The following SGCZ variants were observed in gnomAD, a reference collection of about 807,000 sequenced individuals.
SGCZ encodes zeta-sarcoglycan.
SGCZ carries 40 observed loss-of-function variants against 41.3 expected under a neutral mutation model. The ratio of observed to expected loss-of-function variants is 0.97; its 90% CI spans 0.75 to 1.26. SGCZ has a LOEUF of 1.26. Ranked by LOEUF, SGCZ falls within the 50% of genes most tolerant of loss-of-function variation. The probability of loss-of-function intolerance (pLI) is 0.00; values close to 1 mark genes in which losing one functional copy is unlikely to be tolerated. For synonymous variants in SGCZ, 206 were observed against 137.5 expected (o/e 1.50, Z -3.49); for missense variants, 552 against 369.8 (o/e 1.49, Z -4.04).
At chr8:14,267,609 T>G (rs1039800942) in intron 3 of SGCZ, among the ~76,000 whole-genome samples, 2 of 152,082 alleles carry the variant, frequency 1.3e-5, no homozygotes, top group African/African-American at 2.4e-5. Flanking sequence ...GCTACGATAT[T>G]TTTGTTGTCA....
At chr8:15,154,120 T>A (rs1799258302) in intron 1 of SGCZ, among the ~76,000 whole-genome samples, 1 of 152,160 alleles carries the variant, frequency 6.6e-6, no homozygotes, top group African/African-American at 2.4e-5. Context: ...GTGGCCCGGT[T>A]CCTAACAGGC....
chr8:14,733,188 C>G (rs1405664952), intron 1 of SGCZ, among the ~76,000 whole-genome samples: 4 of 152,110 alleles, frequency 2.6e-5, no homozygotes, highest in Non-Finnish European at 5.9e-5. Context: ...TCCCTAACTG[C>G]CCCAGGGCCA....
intron 1 of SGCZ, among the ~76,000 whole-genome samples, chr8:14,705,156 C>A (rs1290981923): frequency 6.6e-6 from 1 of 151,872 alleles, no homozygotes; most frequent in Non-Finnish European, 1.5e-5. Flanking sequence ...AGACCTTATG[C>A]ACCTCATAAC....
intron 1 of SGCZ, among the ~76,000 whole-genome samples, chr8:14,966,994 C>T (rs1801145710): frequency 6.6e-6 from 1 of 152,056 alleles, no homozygotes; most frequent in Non-Finnish European, 1.5e-5. Context: ...TTATTCATTC[C>T]TTGTACAATT....
intron 1 of SGCZ, among the ~76,000 whole-genome samples, chr8:15,004,953 G>GT: frequency 6.6e-6 from 1 of 152,150 alleles, no homozygotes; most frequent in East Asian, 1.9e-4. Flanking sequence ...ATCTGAGGTG[G>GT]TATCTATGCA....
chr8:14,257,533 G>A (rs1231101165), intron 3 of SGCZ, among the ~76,000 whole-genome samples: 4 of 151,240 alleles, frequency 2.6e-5, no homozygotes, highest in African/African-American at 2.4e-5. Context: ...TGCACAACAC[G>A]CAGGTTTGTT....
At chr8:14,527,539 C>A (rs1802990662) in intron 2 of SGCZ, among the ~76,000 whole-genome samples, 1 of 149,026 alleles carries the variant, frequency 6.7e-6, no homozygotes, top group Non-Finnish European at 1.5e-5. Flanking sequence ...TTAAAATATT[C>A]ACCTTTTTTT....
intron 7 of SGCZ, among the ~76,000 whole-genome samples, chr8:14,101,107 C>T (rs958298678): frequency 1.3e-5 from 2 of 151,642 alleles, no homozygotes; most frequent in Non-Finnish European, 2.9e-5. Flanking sequence ...AAAGCATCTG[C>T]CAAGATGTCC....
chr8:14,500,237 GATGTA>G (rs1802110914), intron 2 of SGCZ, among the ~76,000 whole-genome samples: 1 of 152,006 alleles, frequency 6.6e-6, no homozygotes, highest in African/African-American at 2.4e-5. Flanking sequence ...TCTAAAATCA[GATGTA>G]ATGTAGTTTG....
intron 1 of SGCZ, among the ~76,000 whole-genome samples, chr8:14,900,180 T>C (rs1347349889): frequency 6.6e-6 from 1 of 152,178 alleles, no homozygotes; most frequent in Non-Finnish European, 1.5e-5. Context: ...GGCGGTTTGC[T>C]ACACAGGCTG....
intron 1 of SGCZ, among the ~76,000 whole-genome samples, chr8:14,799,937 T>C (rs1325542553): frequency 6.6e-6 from 1 of 152,174 alleles, no homozygotes; most frequent in Non-Finnish European, 1.5e-5. Context: ...TTGATAAGTA[T>C]TATAAACAGA....
At chr8:14,700,284 C>A (rs772478487) in intron 1 of SGCZ, among the ~76,000 whole-genome samples, 23 of 151,916 alleles carry the variant, frequency 1.5e-4, no homozygotes, top group Non-Finnish European at 2.8e-4. Context: ...CATAGAAAAA[C>A]ATGAAATCAT....
chr8:15,132,860 G>T (rs1807962925), intron 1 of SGCZ, among the ~76,000 whole-genome samples: 1 of 152,138 alleles, frequency 6.6e-6, no homozygotes, highest in Non-Finnish European at 1.5e-5. Context: ...AAAAGAAGTG[G>T]CCAGGCACAG....
At chr8:14,646,044 T>A (rs1807203441) in intron 1 of SGCZ, among the ~76,000 whole-genome samples, 1 of 151,892 alleles carries the variant, frequency 6.6e-6, no homozygotes, top group Non-Finnish European at 1.5e-5. Context: ...GTTTCCTTTT[T>A]TATTTTTATT....
intron 1 of SGCZ, among the ~76,000 whole-genome samples, chr8:14,684,118 A>G (rs1196998214): frequency 6.6e-6 from 1 of 152,170 alleles, no homozygotes; most frequent in Non-Finnish European, 1.5e-5. Context: ...CAGTGATTAC[A>G]TCAATTAAAT....
At chr8:14,680,118 CATGACTAT>C (rs2117537154) in intron 1 of SGCZ, among the ~76,000 whole-genome samples, 2 of 152,116 alleles carry the variant, frequency 1.3e-5, no homozygotes, top group South Asian at 4.1e-4. Context: ...TGAAGTCATG[CATGACTAT>C]ATGTGATATT....
Position 14,102,377 on chromosome 8 carries a change from T to G in SGCZ, c.743A>C (p.Glu248Ala), listed in dbSNP as rs1294946762. ...KELHLQSTEG[E>A]IFLNAETIKL... ...AGGGTCCAACTTTCTGGGACTCACC[T>G]CCCCTTCTGTAGATTGCAGATGGAG... The change falls in exon 7 of 8, where the codon GAG becomes GCG. Residue 248 changes from glutamate to alanine, a missense_variant and splice_region_variant. Physicochemically the swap from Glu to Ala is moderately radical, Grantham distance 107. Coordinates refer to ENST00000382080, the MANE Select transcript of SGCZ (RefSeq NM_139167.4). 1.3e-6 allele frequency: 2 copies of G among 1,483,802 alleles called. No homozygotes were observed. Among genetic ancestry groups the G allele is most frequent in the East Asian group, 2.5e-5 (1 of 40,476 alleles). The allele number at this position is 1,483,802 out of a possible 1,614,324, so 91.9% of individuals were successfully genotyped here. A position where few individuals can be genotyped will look rare whatever the true frequency, so the allele number is the denominator to read the frequency against.
intron 1 of SGCZ, among the ~76,000 whole-genome samples, chr8:14,854,733 G>C (rs1004182147): frequency 1.3e-5 from 2 of 152,114 alleles, no homozygotes; most frequent in African/African-American, 2.4e-5. Flanking sequence ...AGGAATACCA[G>C]CAGGAATTAG....
chr8:15,224,968 C>G (rs116935088), intron 1 of SGCZ, among the ~76,000 whole-genome samples: 2,512 of 152,058 alleles, frequency 0.017, 29 homozygotes, highest in Middle Eastern at 0.031. Flanking sequence ...ATTGAGAAAG[C>G]TACAAAAAGA....
Sources: gnomAD v4.1 joint callset for allele counts (sites outside exome capture counted in the v4.1 genomes callset) on GRCh38, gnomAD v4.1.1 for gene constraint, MANE v1.5 for transcripts, NCBI Gene and HGNC (gene_info 2026-07-23, HGNC 2026-07-21) for gene names.